N4BP2L2: variants seen among roughly 807,000 people sequenced by gnomAD.
The protein encoded by N4BP2L2 is NEDD4-binding protein 2-like 2.
N4BP2L2 carries 50 observed loss-of-function variants against 56.2 expected under a neutral mutation model. The observed-to-expected ratio is 0.89, with a 90% CI of 0.71 to 1.13. The LOEUF is 1.13. N4BP2L2 is among the 50% of genes most tolerant of loss of function. The pLI, the probability that N4BP2L2 is intolerant of heterozygous loss-of-function variation, is 0.00. For synonymous variants in N4BP2L2, 203 were observed against 223.6 expected, an observed-to-expected ratio of 0.91 and a Z score of 0.82; for missense variants, 689 against 693.8, an observed-to-expected ratio of 0.99 and a Z score of 0.08.
At chr13:32,509,363 C>T (rs1265395564), downstream of N4BP2L2, 1 of 152,162 alleles carries the variant, frequency 6.6e-6, no homozygotes, top group Non-Finnish European at 1.5e-5. Context: ...CTCCAAAACA[C>T]TTCTGGTCTC....
At chr13:32,470,427 G>C (rs1430512237) in intron 6 of N4BP2L2, among the ~76,000 whole-genome samples, 4 of 152,138 alleles carry the variant, frequency 2.6e-5, no homozygotes, top group African/African-American at 9.7e-5. Flanking sequence ...CAGGCTATTC[G>C]GTAGACATAA....
intron 6 of N4BP2L2, chr13:32,446,488 A>G: frequency 7.6e-7 from 1 of 1,316,740 alleles, no homozygotes; most frequent in Non-Finnish European, 1.0e-6. Context: ...ATCCTGTTGC[A>G]GGGCAAGGAG....
chr13:32,449,481 C>T (rs529213255), intron 6 of N4BP2L2, among the ~76,000 whole-genome samples: 3 of 152,082 alleles, frequency 2.0e-5, no homozygotes, highest in Non-Finnish European at 4.4e-5. Flanking sequence ...TTAAACTGCA[C>T]TGAACAAAAT....
At chr13:32,435,032 C>T (rs969663895) in intron 9 of N4BP2L2, among the ~76,000 whole-genome samples, 10 of 152,232 alleles carry the variant, frequency 6.6e-5, no homozygotes, top group African/African-American at 2.4e-4. Context: ...ACTGGTGTCT[C>T]CTCATGTTGG....
intron 7 of N4BP2L2, among the ~76,000 whole-genome samples, chr13:32,440,022 T>C (rs1393066110): frequency 8.0e-6 from 1 of 125,106 alleles, no homozygotes; most frequent in African/African-American, 3.7e-5. Flanking sequence ...CGAGACTCCG[T>C]CTCAAAAAAA....
chr13:32,500,569 A>AAAAAAAAAT (rs1555265131), intron 6 of N4BP2L2, among the ~76,000 whole-genome samples: 3 of 134,624 alleles, frequency 2.2e-5, no homozygotes, highest in Non-Finnish European at 1.6e-5. Context: ...AAAAAAAAAA[A>AAAAAAAAAT]TAGCCAGGCA....
intron 9 of N4BP2L2, chr13:32,436,353 ATACT>A (rs1230298465): frequency 8.1e-7 from 1 of 1,229,090 alleles, no homozygotes; most frequent in Non-Finnish European, 1.1e-6. Flanking sequence ...AGAATAAGTC[ATACT>A]TACAGTTCAA....
intron 7 of N4BP2L2, among the ~76,000 whole-genome samples, chr13:32,441,760 T>C (rs1027324603): frequency 2.0e-5 from 3 of 149,222 alleles, no homozygotes; most frequent in Non-Finnish European, 4.5e-5. Context: ...GTAGAAAGGT[T>C]TGGCCGGGCG....
At chr13:32,453,684 T>C (rs554099417) in intron 6 of N4BP2L2, among the ~76,000 whole-genome samples, 1 of 152,342 alleles carries the variant, frequency 6.6e-6, no homozygotes, top group South Asian at 2.1e-4. Flanking sequence ...TCTGGCCCCA[T>C]CTACTGCTCT....
intron 6 of N4BP2L2, among the ~76,000 whole-genome samples, chr13:32,465,711 T>G (rs1396544578): frequency 1.3e-5 from 2 of 152,170 alleles, no homozygotes; most frequent in East Asian, 3.8e-4. Context: ...TGGAGTACAA[T>G]GGCATGATCT....
chr13:32,535,785 T>C, exon 2 of N4BP2L2: 2 of 1,613,484 alleles, frequency 1.2e-6, no homozygotes, highest in South Asian at 2.2e-5. Context: ...AATGTTGTTT[T>C]CCCAGAACCA....
At chr13:32,478,055 G>C in intron 6 of N4BP2L2, 1 of 1,288,692 alleles carries the variant, frequency 7.8e-7, no homozygotes, top group Non-Finnish European at 1.0e-6. Context: ...GTTGCTGTGG[G>C]AAAATTGTGA....
At chr13:32,520,651 T>TC (rs1177729777) in intron 5 of N4BP2L2, among the ~76,000 whole-genome samples, 6 of 136,950 alleles carry the variant, frequency 4.4e-5, no homozygotes, top group African/African-American at 1.7e-4. Context: ...AGAGCGAGAC[T>TC]CCATCTCAAA....
intron 6 of N4BP2L2, among the ~76,000 whole-genome samples, chr13:32,463,918 C>CAA (rs58685358): frequency 4.2e-4 from 27 of 64,162 alleles, no homozygotes; most frequent in African/African-American, 1.5e-3. Context: ...TGCCCATGAC[C>CAA]AAAAAAAAAA....
chr13:32,458,071 G>C (rs1446187750), intron 6 of N4BP2L2, among the ~76,000 whole-genome samples: 1 of 151,918 alleles, frequency 6.6e-6, no homozygotes, highest in Non-Finnish European at 1.5e-5. Context: ...GTTTTGTTTT[G>C]TTTTGTTTTT....
chr13:32,503,267 C>A (rs2139604608), intron 6 of N4BP2L2, among the ~76,000 whole-genome samples: 1 of 149,322 alleles, frequency 6.7e-6, no homozygotes, highest in East Asian at 2.0e-4. Flanking sequence ...AAGTATAATA[C>A]TATAAATCTC....
chr13:32,435,634 A>G (rs1182294310), intron 9 of N4BP2L2, among the ~76,000 whole-genome samples: 1 of 152,142 alleles, frequency 6.6e-6, no homozygotes, highest in African/African-American at 2.4e-5. Flanking sequence ...ACATTTTTCT[A>G]GTGGCCCCTG....
intron 7 of N4BP2L2, among the ~76,000 whole-genome samples, chr13:32,440,744 T>C (rs540715709): frequency 1.3e-5 from 2 of 152,240 alleles, no homozygotes; most frequent in Admixed American, 1.3e-4. Flanking sequence ...ATTACAGGCA[T>C]GAGCCACTGT....
At chr13:32,445,033 G>A (rs1426842666) in intron 6 of N4BP2L2, among the ~76,000 whole-genome samples, 1 of 152,200 alleles carries the variant, frequency 6.6e-6, no homozygotes, top group Non-Finnish European at 1.5e-5. Context: ...TGGATCACCT[G>A]AGGTCAGGAG....
Sources: gnomAD v4.1 joint callset for allele counts (sites outside exome capture counted in the v4.1 genomes callset) on GRCh38, gnomAD v4.1.1 for gene constraint, MANE v1.5 for transcripts, NCBI Gene and HGNC (gene_info 2026-07-23, HGNC 2026-07-21) for gene names.